TTC28: variants seen among roughly 807,000 people sequenced by gnomAD.
TTC28 encodes the protein tetratricopeptide repeat domain 28.
TTC28 carries 61 observed loss-of-function variants against 198.0 expected under a neutral mutation model. The ratio of observed to expected loss-of-function variants is 0.31; its 90% CI spans 0.25 to 0.38. The LOEUF is 0.38. Ranked by LOEUF, TTC28 falls within the 10% of genes least tolerant of loss-of-function variation. The pLI is 1.00. For missense variants in TTC28, 2,678 were observed against 3,164.0 expected (o/e 0.85, Z 3.69); for synonymous variants, 1,171 against 1,297.8 (o/e 0.90, Z 2.10).
intron 12 of TTC28, among the ~76,000 whole-genome samples, chr22:28,061,152 T>C (rs988565418): frequency 2.0e-5 from 3 of 152,222 alleles, no homozygotes; most frequent in Admixed American, 6.5e-5. Context: ...AAAAATTTTC[T>C]CCCATTCTGT....
intron 2 of TTC28, among the ~76,000 whole-genome samples, chr22:28,313,691 T>A (rs888737436): frequency 2.6e-5 from 4 of 151,994 alleles, no homozygotes; most frequent in Non-Finnish European, 5.9e-5. Context: ...CTCAATAAAC[T>A]AAGTAAGATG....
intron 5 of TTC28, among the ~76,000 whole-genome samples, chr22:28,259,761 A>C (rs1931193185): frequency 6.6e-6 from 1 of 152,150 alleles, no homozygotes; most frequent in African/African-American, 2.4e-5. Flanking sequence ...ATGTCAGTTG[A>C]AACTACTTCA....
chr22:28,530,666 C>T (rs907600209), intron 2 of TTC28, among the ~76,000 whole-genome samples: 2 of 152,130 alleles, frequency 1.3e-5, no homozygotes, highest in South Asian at 2.1e-4. Flanking sequence ...AGAGAAAGGT[C>T]GGGTTGCCCA....
At chr22:28,342,630 G>A (rs543053768) in intron 2 of TTC28, among the ~76,000 whole-genome samples, 35 of 152,132 alleles carry the variant, frequency 2.3e-4, no homozygotes, top group East Asian at 7.7e-4. Context: ...CACAAAAAAC[G>A]GTGGTATATG....
intron 2 of TTC28, among the ~76,000 whole-genome samples, chr22:28,357,566 C>A (rs1228806551): frequency 6.6e-6 from 1 of 152,040 alleles, no homozygotes; most frequent in African/African-American, 2.4e-5. Flanking sequence ...CCACCTTGGC[C>A]TCCCAAAGTG....
intron 5 of TTC28, among the ~76,000 whole-genome samples, chr22:28,222,745 T>C (rs1051230904): frequency 6.6e-6 from 1 of 152,202 alleles, no homozygotes; most frequent in African/African-American, 2.4e-5. Context: ...TAAGTTGAAA[T>C]GAATCTTTCA....
intron 15 of TTC28, chr22:28,000,176 T>C (rs1937633308): frequency 6.6e-6 from 1 of 152,208 alleles, no homozygotes; most frequent in African/African-American, 2.4e-5. Context: ...CTATGGAAAC[T>C]TGAGAGACCT....
In TTC28 at chr22:28,067,843, G is replaced by T. The variant is rs141148931; in HGVS notation, c.3932+26237C>A. Among the ~76,000 whole-genome samples, 4 of 152,244 alleles carry T rather than the reference G, an allele frequency of 2.6e-5. No homozygotes were observed. In the East Asian group the frequency reaches 7.7e-4, roughly 29 times the overall value. ...TTTAAGCAGAGTTATATCACACTAA[G>T]TGATATTTTATTTATCTCCTCTTTG... On this transcript the variant is annotated intron_variant, in intron 12 of 22. Coordinates refer to ENST00000397906, the MANE Select transcript of TTC28 (RefSeq NM_001145418.2).
chr22:28,320,272 T>TG (rs2045425115), intron 2 of TTC28, among the ~76,000 whole-genome samples: 1 of 152,008 alleles, frequency 6.6e-6, no homozygotes, highest in Admixed American at 6.6e-5. Context: ...AGGTTTTTTT[T>TG]TTTTTTGGCA....
chr22:28,095,247 G>A (rs1469355662), intron 11 of TTC28, among the ~76,000 whole-genome samples: 2 of 152,058 alleles, frequency 1.3e-5, no homozygotes, highest in Non-Finnish European at 2.9e-5. Flanking sequence ...ATTCTTTGTG[G>A]AAAGCCCATA....
chr22:28,156,589 G>T (rs1943753578), intron 6 of TTC28, among the ~76,000 whole-genome samples: 1 of 152,212 alleles, frequency 6.6e-6, no homozygotes, highest in Non-Finnish European at 1.5e-5. Context: ...AATTAAGAAA[G>T]CTAGGAGTTA....
At chr22:28,530,880 G>T (rs945860242) in intron 2 of TTC28, among the ~76,000 whole-genome samples, 18 of 152,154 alleles carry the variant, frequency 1.2e-4, no homozygotes, top group Non-Finnish European at 2.2e-4. Flanking sequence ...GTCACCACCA[G>T]GCCTGCCTTA....
chr22:28,233,538 C>T (rs17487463), intron 5 of TTC28, among the ~76,000 whole-genome samples: 10,326 of 151,794 alleles, frequency 0.068, 516 homozygotes, highest in Non-Finnish European at 0.095. Context: ...AAAAAATAAC[C>T]CAGAGGTTGA....
At chr22:28,571,949 CAA>C (rs34023160) in intron 2 of TTC28, among the ~76,000 whole-genome samples, 1 of 104,244 alleles carries the variant, frequency 9.6e-6, no homozygotes, top group African/African-American at 3.7e-5. Flanking sequence ...GACTCCATTT[CAA>C]AAAAAAAAAA....
At chr22:28,211,729 G>A (rs1038042052) in intron 5 of TTC28, among the ~76,000 whole-genome samples, 2 of 152,080 alleles carry the variant, frequency 1.3e-5, no homozygotes, top group Non-Finnish European at 2.9e-5. Context: ...CAACGAGACA[G>A]AAAGTTAAAA....
At chr22:28,345,272 G>C (rs1278841791) in intron 2 of TTC28, among the ~76,000 whole-genome samples, 3 of 152,154 alleles carry the variant, frequency 2.0e-5, no homozygotes, top group African/African-American at 7.2e-5. Flanking sequence ...TAAAGTTCTA[G>C]TTAATAGAAC....
chr22:28,422,202 G>A (rs939672627), intron 2 of TTC28, among the ~76,000 whole-genome samples: 12 of 152,114 alleles, frequency 7.9e-5, no homozygotes, highest in African/African-American at 2.7e-4. Flanking sequence ...TCAAAAACAT[G>A]GAAAGAAGGC....
chr22:28,446,690 T>C (rs970888455), intron 2 of TTC28, among the ~76,000 whole-genome samples: 2 of 152,196 alleles, frequency 1.3e-5, no homozygotes, highest in Admixed American at 6.5e-5. Context: ...GCTTCCTGTA[T>C]AGCCTGCAGA....
chr22:28,220,425 T>G (rs370031277), intron 5 of TTC28, among the ~76,000 whole-genome samples: 1 of 152,238 alleles, frequency 6.6e-6, no homozygotes, highest in Non-Finnish European at 1.5e-5. Flanking sequence ...CTGGTTCTCA[T>G]GTGGAGGCTT....
Sources: gnomAD v4.1 joint callset for allele counts (sites outside exome capture counted in the v4.1 genomes callset) on GRCh38, gnomAD v4.1.1 for gene constraint, MANE v1.5 for transcripts, NCBI Gene and HGNC (gene_info 2026-07-23, HGNC 2026-07-21) for gene names.